The following CES5A variants were observed in gnomAD, a reference collection of about 807,000 sequenced individuals.
CES5A encodes the protein carboxylesterase 5.
In CES5A, 67 loss-of-function variants were observed where a neutral mutation model predicts 62.9. The observed-to-expected ratio is 1.07, with a 90% CI of 0.88 to 1.31. CES5A has a LOEUF of 1.31. CES5A is among the 50% of genes most tolerant of loss of function. The pLI is 0.00. For synonymous variants in CES5A, 296 were observed against 280.8 expected (o/e 1.05, Z -0.54); for missense variants, 748 against 708.5 (o/e 1.06, Z -0.63).
upstream of CES5A, among the ~76,000 whole-genome samples, chr16:55,878,944 C>T (rs2033730764): frequency 6.9e-6 from 1 of 145,056 alleles, no homozygotes; most frequent in Non-Finnish European, 1.5e-5. Context: ...TCCCACTGCA[C>T]CCCATCACTG....
At chr16:55,935,710 T>G (rs1307280798) in intron 2 of CES5A, among the ~76,000 whole-genome samples, 2 of 152,170 alleles carry the variant, frequency 1.3e-5, no homozygotes, top group African/African-American at 4.8e-5. Context: ...AGATTCTCTC[T>G]GGGTAGATGT....
chr16:55,876,582 C>T (rs745519237), upstream of CES5A, among the ~76,000 whole-genome samples: 6 of 152,132 alleles, frequency 3.9e-5, no homozygotes, highest in Admixed American at 6.5e-5. Context: ...AGGGATACAG[C>T]GATGAGGTAA....
chr16:55,860,354 G>T (rs561762004), intron 7 of CES5A, among the ~76,000 whole-genome samples: 1 of 152,268 alleles, frequency 6.6e-6, no homozygotes, highest in Non-Finnish European at 1.5e-5. Context: ...CTCAAAGTGT[G>T]GTTCCTAGAC....
intron 1 of CES5A, among the ~76,000 whole-genome samples, chr16:55,891,997 T>C (rs1160468103): frequency 1.3e-5 from 2 of 152,182 alleles, no homozygotes; most frequent in East Asian, 3.8e-4. Flanking sequence ...CATAGCTAGA[T>C]TTTTTTCTTC....
At chr16:55,901,665 A>G (rs1199037651) in intron 1 of CES5A, among the ~76,000 whole-genome samples, 5 of 152,140 alleles carry the variant, frequency 3.3e-5, no homozygotes, top group Non-Finnish European at 5.9e-5. Flanking sequence ...AGCACCAGCC[A>G]TAGTGGAGGA....
chr16:55,939,858 T>C (rs2034428614), intron 2 of CES5A, among the ~76,000 whole-genome samples: 1 of 151,638 alleles, frequency 6.6e-6, no homozygotes, highest in Non-Finnish European at 1.5e-5. Context: ...TGGAAATCAG[T>C]AAGAGAAAAA....
intron 1 of CES5A, among the ~76,000 whole-genome samples, chr16:55,951,320 G>A (rs1490083203): frequency 3.9e-5 from 6 of 152,000 alleles, no homozygotes; most frequent in Non-Finnish European, 5.9e-5. Flanking sequence ...GAGAAAGTAA[G>A]CAGTAAAGAA....
At chr16:55,917,994 G>A (rs77634176) in intron 1 of CES5A, among the ~76,000 whole-genome samples, 1 of 152,168 alleles carries the variant, frequency 6.6e-6, no homozygotes, top group African/African-American at 2.4e-5. Flanking sequence ...TTCTGGGAGA[G>A]AATTGGCCAA....
intron 1 of CES5A, among the ~76,000 whole-genome samples, chr16:55,883,935 G>A (rs572452648): frequency 3.9e-5 from 6 of 152,150 alleles, no homozygotes; most frequent in Non-Finnish European, 7.3e-5. Flanking sequence ...CCTGGCTCTC[G>A]TAGGTCCCCA....
chr16:55,857,257 T>G (rs1287200716), intron 8 of CES5A, among the ~76,000 whole-genome samples: 2 of 152,138 alleles, frequency 1.3e-5, no homozygotes, highest in Admixed American at 1.3e-4. Context: ...AACAAGTACC[T>G]CCCGCGAGGG....
rs762991253 is a variant in CES5A, at chr16:55,865,976, C to T, written c.692G>A (p.Ser231Asn). Reference protein sequence around the residue: ...TIFGESAGAISVSSLILSPMA... With the variant: ...TIFGESAGAINVSSLILSPMA... ...CAGAGAACTCACAAGACTAGAAACA[C>T]TTATGGCTCCCGCGGACTCGCCAAA... Residue 231 changes from serine to asparagine, a missense_variant, in exon 5 of 13, where the codon AGT becomes AAT. By Grantham distance (46) the Ser-to-Asn change is conservative. Transcript: ENST00000290567. The T allele has an allele frequency of 5.5e-5, 88 of 1,614,100 alleles. No individual in the cohort carries two copies. The highest frequency in any genetic ancestry group is 7.2e-5 in the Non-Finnish European group (85 of 1,180,046).
chr16:55,924,245 A>G (rs1414611884), intron 1 of CES5A, among the ~76,000 whole-genome samples: 1 of 152,064 alleles, frequency 6.6e-6, no homozygotes, highest in African/African-American at 2.4e-5. Context: ...AAATCAACAT[A>G]CAAAAATCAG....
intron 1 of CES5A, among the ~76,000 whole-genome samples, chr16:55,888,741 G>A (rs778079002): frequency 2.0e-5 from 3 of 152,184 alleles, no homozygotes; most frequent in Non-Finnish European, 2.9e-5. Flanking sequence ...AAAATGCTAT[G>A]GAGTTGATTC....
chr16:55,926,119 G>T (rs1171443387), upstream of CES5A, among the ~76,000 whole-genome samples: 1 of 152,058 alleles, frequency 6.6e-6, no homozygotes, highest in African/African-American at 2.4e-5. Flanking sequence ...AAGAAGAGAT[G>T]AATTAACATG....
upstream of CES5A, chr16:55,875,424 G>T: frequency 7.9e-7 from 1 of 1,267,488 alleles, no homozygotes. Context: ...ATTTACATAA[G>T]AAGCTGATGA....
intron 2 of CES5A, among the ~76,000 whole-genome samples, chr16:55,948,390 T>C (rs2034519565): frequency 6.6e-6 from 1 of 152,070 alleles, no homozygotes; most frequent in Non-Finnish European, 1.5e-5. Context: ...GCTCAGTTAA[T>C]CTGCACTTTA....
chr16:55,927,575 T>C (rs928197070), upstream of CES5A, among the ~76,000 whole-genome samples: 17 of 152,180 alleles, frequency 1.1e-4, no homozygotes, highest in Non-Finnish European at 1.6e-4. Flanking sequence ...AGATATCACC[T>C]TGCCCCGGTC....
intron 9 of CES5A, among the ~76,000 whole-genome samples, chr16:55,853,493 A>G (rs530467923): frequency 6.6e-5 from 10 of 152,332 alleles, no homozygotes; most frequent in African/African-American, 2.4e-4. Flanking sequence ...CACGGGCAGA[A>G]CATCCATGAA....
At chr16:55,929,565 G>C (rs1442236610), upstream of CES5A, among the ~76,000 whole-genome samples, 1 of 152,260 alleles carries the variant, frequency 6.6e-6, no homozygotes, top group Admixed American at 6.5e-5. Context: ...TTAGGGCCAG[G>C]CCCAACATTT....
Sources: allele counts gnomAD v4.1 joint callset (sites outside exome capture counted in the v4.1 genomes callset), GRCh38; gene constraint gnomAD v4.1.1; transcripts MANE v1.5; gene names NCBI Gene and HGNC (gene_info 2026-07-23, HGNC 2026-07-21).